TAFA2: variants seen among roughly 807,000 people sequenced by gnomAD.
The protein encoded by TAFA2 is chemokine-like protein TAFA-2.
TAFA2 carries 7 observed loss-of-function variants against 18.8 expected under a neutral mutation model. The ratio of observed to expected loss-of-function variants is 0.37; its 90% CI spans 0.21 to 0.70. The LOEUF (loss-of-function observed/expected upper bound fraction) is 0.70, where lower values mean the gene tolerates loss of function less well. TAFA2 is among the 30% of genes least tolerant of loss of function. TAFA2 has a pLI of 0.53. For missense variants in TAFA2, 122 were observed against 158.1 expected, an observed-to-expected ratio of 0.77 and a Z score of 1.23; for synonymous variants, 60 against 54.2, an observed-to-expected ratio of 1.11 and a Z score of -0.47.
intron 1 of TAFA2, among the ~76,000 whole-genome samples, chr12:62,143,923 C>G (rs1373436168): frequency 5.3e-5 from 8 of 151,644 alleles, no homozygotes. Context: ...TGGCACATGC[C>G]TGTGGTCCAA....
chr12:62,163,329 T>C (rs1310191929), intron 1 of TAFA2, among the ~76,000 whole-genome samples: 1 of 152,144 alleles, frequency 6.6e-6, no homozygotes, highest in Non-Finnish European at 1.5e-5. Flanking sequence ...ATCACAACTT[T>C]CCATTGCTCT....
intron 1 of TAFA2, among the ~76,000 whole-genome samples, chr12:61,997,480 C>T (rs549507097): frequency 6.6e-5 from 10 of 152,196 alleles, no homozygotes; most frequent in African/African-American, 2.4e-4. Flanking sequence ...GAAAGAGAGG[C>T]CCAGTGGCTC....
intron 1 of TAFA2, among the ~76,000 whole-genome samples, chr12:62,223,268 T>A (rs2062771621): frequency 2.6e-5 from 4 of 152,072 alleles, no homozygotes; most frequent in African/African-American, 9.7e-5. Flanking sequence ...AGCCTCTACT[T>A]CTTGGGCTCA....
chr12:62,132,385 G>A (rs577904309), intron 1 of TAFA2, among the ~76,000 whole-genome samples: 126 of 151,756 alleles, frequency 8.3e-4, no homozygotes, highest in Admixed American at 1.6e-3. Context: ...CAGTAACCAG[G>A]CAATACAGGT....
intron 1 of TAFA2, among the ~76,000 whole-genome samples, chr12:61,978,206 C>T (rs948260796): frequency 6.6e-6 from 1 of 152,006 alleles, no homozygotes; most frequent in African/African-American, 2.4e-5. Flanking sequence ...ATACAAAATA[C>T]TAAGTCTACC....
chr12:61,881,147 G>A (rs1463378337), intron 1 of TAFA2, among the ~76,000 whole-genome samples: 1 of 151,964 alleles, frequency 6.6e-6, no homozygotes, highest in African/African-American at 2.4e-5. Flanking sequence ...CCATGGGTTT[G>A]TTTTAAATGC....
intron 1 of TAFA2, among the ~76,000 whole-genome samples, chr12:62,171,969 A>C (rs1341562098): frequency 2.0e-5 from 3 of 152,136 alleles, no homozygotes; most frequent in Non-Finnish European, 4.4e-5. Context: ...CACATATATC[A>C]CTTTTTAAAA....
intron 1 of TAFA2, among the ~76,000 whole-genome samples, chr12:61,889,981 A>G (rs1234642345): frequency 6.6e-6 from 1 of 152,250 alleles, no homozygotes; most frequent in Non-Finnish European, 1.5e-5. Context: ...ATTAAAGTAG[A>G]TATTTTATGT....
intron 2 of TAFA2, among the ~76,000 whole-genome samples, chr12:61,810,584 T>C (rs1192758119): frequency 6.6e-6 from 1 of 151,284 alleles, no homozygotes; most frequent in Non-Finnish European, 1.5e-5. Flanking sequence ...TAGCTATCTA[T>C]CTCGCAAAGA....
chr12:61,929,859 C>T (rs996869958), intron 1 of TAFA2, among the ~76,000 whole-genome samples: 1 of 152,042 alleles, frequency 6.6e-6, no homozygotes, highest in Non-Finnish European at 1.5e-5. Flanking sequence ...TTTGTAGGGA[C>T]ATGGATGAAG....
chr12:62,134,377 C>T (rs1870811601), intron 1 of TAFA2, among the ~76,000 whole-genome samples: 1 of 151,850 alleles, frequency 6.6e-6, no homozygotes, highest in Admixed American at 6.6e-5. Context: ...TTTGCACATC[C>T]TCTCTTCCTC....
intron 1 of TAFA2, among the ~76,000 whole-genome samples, chr12:62,108,685 G>T (rs902561077): frequency 3.9e-5 from 6 of 152,160 alleles, no homozygotes; most frequent in African/African-American, 1.4e-4. Context: ...AATTCTAACT[G>T]GTGTGAGATG....
chr12:62,139,815 G>A (rs1041941070), intron 1 of TAFA2, among the ~76,000 whole-genome samples: 1 of 152,158 alleles, frequency 6.6e-6, no homozygotes, highest in Non-Finnish European at 1.5e-5. Flanking sequence ...ACAAGAAAAT[G>A]GGGGTTTGGA....
At chr12:62,074,946 C>T (rs971947356) in intron 1 of TAFA2, among the ~76,000 whole-genome samples, 14 of 152,092 alleles carry the variant, frequency 9.2e-5, no homozygotes, top group Non-Finnish European at 1.5e-4. Context: ...AAGTGATCTG[C>T]CTGCCTCAGC....
intron 1 of TAFA2, among the ~76,000 whole-genome samples, chr12:62,067,103 G>T (rs1209254879): frequency 6.6e-6 from 1 of 151,988 alleles, no homozygotes; most frequent in Non-Finnish European, 1.5e-5. Flanking sequence ...TTTGCCATTT[G>T]TATGTCTTCC....
intron 1 of TAFA2, among the ~76,000 whole-genome samples, chr12:61,894,579 A>G (rs1875763419): frequency 6.6e-6 from 1 of 152,218 alleles, no homozygotes; most frequent in Non-Finnish European, 1.5e-5. Flanking sequence ...TCTCAGTGTC[A>G]TGCAGTCATC....
chr12:61,968,565 C>G (rs1879143004), intron 1 of TAFA2, among the ~76,000 whole-genome samples: 1 of 151,744 alleles, frequency 6.6e-6, no homozygotes, highest in Non-Finnish European at 1.5e-5. Flanking sequence ...TGAACACATT[C>G]AGGTCTGCTT....
intron 2 of TAFA2, among the ~76,000 whole-genome samples, chr12:61,849,505 A>T (rs1873553780): frequency 6.6e-6 from 1 of 152,184 alleles, no homozygotes; most frequent in African/African-American, 2.4e-5. Context: ...ATAATATCCA[A>T]ATATCATGGC....
chr12:61,789,952 T>C (rs1008288272), intron 2 of TAFA2, among the ~76,000 whole-genome samples: 2 of 151,758 alleles, frequency 1.3e-5, no homozygotes, highest in African/African-American at 2.4e-5. Flanking sequence ...TGAACATAGA[T>C]GCAAAAAATT....
Sources: allele counts gnomAD v4.1 joint callset (sites outside exome capture counted in the v4.1 genomes callset), GRCh38; gene constraint gnomAD v4.1.1; transcripts MANE v1.5; gene names NCBI Gene and HGNC (gene_info 2026-07-23, HGNC 2026-07-21).